The following SDK1 variants were observed in gnomAD, a reference collection of about 807,000 sequenced individuals.
SDK1 encodes the protein protein sidekick-1.
In SDK1, 157 loss-of-function variants were observed where a neutral mutation model predicts 245.5. The ratio of observed to expected loss-of-function variants is 0.64; its 90% CI spans 0.56 to 0.73. The LOEUF is 0.73. Among genes scored for constraint, SDK1 ranks in the 30% least tolerant of loss-of-function variants. The pLI is 0.00. For missense variants in SDK1, 3,583 were observed against 3,002.3 expected (o/e 1.19, Z -4.52); for synonymous variants, 1,647 against 1,278.5 (o/e 1.29, Z -6.15).
At chr7:3,577,853 TG>T (rs1474049588) in intron 1 of SDK1, among the ~76,000 whole-genome samples, 2 of 152,028 alleles carry the variant, frequency 1.3e-5, no homozygotes, top group Non-Finnish European at 2.9e-5. Context: ...CTGCATTGCC[TG>T]GCAGCTCCTG....
chr7:3,806,445 G>C (rs1181835013), intron 4 of SDK1, among the ~76,000 whole-genome samples: 2 of 152,234 alleles, frequency 1.3e-5, no homozygotes, highest in African/African-American at 2.4e-5. Context: ...TGACCCAACA[G>C]ACGGCTAAAG....
At chr7:3,836,813 T>C (rs1780037898) in intron 5 of SDK1, among the ~76,000 whole-genome samples, 1 of 152,116 alleles carries the variant, frequency 6.6e-6, no homozygotes, top group Non-Finnish European at 1.5e-5. Context: ...CTGGGTGACT[T>C]AAACAACAGA....
At chr7:4,123,995 G>T (rs748237153) in intron 25 of SDK1, among the ~76,000 whole-genome samples, 2 of 152,224 alleles carry the variant, frequency 1.3e-5, no homozygotes. Flanking sequence ...ACAGGGTGTG[G>T]TGAGGGTTGC....
intron 4 of SDK1, among the ~76,000 whole-genome samples, chr7:3,808,375 C>G (rs1463159423): frequency 6.6e-6 from 1 of 152,184 alleles, no homozygotes; most frequent in African/African-American, 2.4e-5. Context: ...CAGGTTCACT[C>G]CCTCTGAAAT....
intron 28 of SDK1, among the ~76,000 whole-genome samples, chr7:4,138,987 C>T (rs770524083): frequency 1.3e-5 from 2 of 152,198 alleles, no homozygotes; most frequent in Non-Finnish European, 2.9e-5. Flanking sequence ...GCCATACATT[C>T]AAGGGGTGCC....
chr7:3,749,368 C>T (rs1779714166), intron 4 of SDK1, among the ~76,000 whole-genome samples: 1 of 152,158 alleles, frequency 6.6e-6, no homozygotes, highest in Non-Finnish European at 1.5e-5. Flanking sequence ...GGCACGATCT[C>T]AGCTCACTGC....
At chr7:3,602,483 C>G (rs144650713) in intron 1 of SDK1, among the ~76,000 whole-genome samples, 1 of 152,064 alleles carries the variant, frequency 6.6e-6, no homozygotes, top group Non-Finnish European at 1.5e-5. Context: ...TCTTTTGAGA[C>G]GTGTCTGTTC....
intron 14 of SDK1, among the ~76,000 whole-genome samples, chr7:3,988,480 G>A (rs1562627117): frequency 6.6e-6 from 1 of 152,060 alleles, no homozygotes; most frequent in African/African-American, 2.4e-5. Flanking sequence ...CCCTGTCCAC[G>A]TCCTGCAGGG....
At chr7:3,882,064 ACCTGGTGGCAGAC>A (rs1781221647) in intron 5 of SDK1, among the ~76,000 whole-genome samples, 1 of 152,204 alleles carries the variant, frequency 6.6e-6, no homozygotes, top group African/African-American at 2.4e-5. Flanking sequence ...GGCACGTCTT[ACCTGGTGGCAGAC>A]AAGAGAGAAA....
At chr7:3,616,698 G>A (rs1054761365) in intron 1 of SDK1, among the ~76,000 whole-genome samples, 2 of 151,848 alleles carry the variant, frequency 1.3e-5, no homozygotes, top group Admixed American at 1.3e-4. Flanking sequence ...CAATTATGAT[G>A]GAATATAGTG....
chr7:3,656,807 G>C (rs1166238755), intron 4 of SDK1, among the ~76,000 whole-genome samples: 1 of 151,414 alleles, frequency 6.6e-6, no homozygotes, highest in Non-Finnish European at 1.5e-5. Flanking sequence ...GACTGCAGTG[G>C]CGCAATCTCG....
At chr7:3,545,765 G>T (rs999592058) in intron 1 of SDK1, among the ~76,000 whole-genome samples, 1 of 152,188 alleles carries the variant, frequency 6.6e-6, no homozygotes, top group Non-Finnish European at 1.5e-5. Context: ...ACTTCTGGCC[G>T]CTGTTCTGTT....
intron 19 of SDK1, 39 bp from the exon 20 acceptor site, chr7:4,067,799 G>C: frequency 1.3e-6 from 2 of 1,501,644 alleles, no homozygotes; most frequent in Non-Finnish European, 1.8e-6. Context: ...GAAAATTTGG[G>C]CTATTGTGTT....
At chr7:4,124,508 A>C (rs1176375825) in intron 25 of SDK1, among the ~76,000 whole-genome samples, 1 of 152,146 alleles carries the variant, frequency 6.6e-6, no homozygotes. Context: ...GGCACTAGTC[A>C]TACTGGATCA....
chr7:3,789,235 C>T (rs1781006529), intron 4 of SDK1, among the ~76,000 whole-genome samples: 1 of 152,142 alleles, frequency 6.6e-6, no homozygotes, highest in Non-Finnish European at 1.5e-5. Flanking sequence ...GCAACCTCCA[C>T]CTCCCAGGTT....
intron 17 of SDK1, among the ~76,000 whole-genome samples, chr7:4,027,763 G>T (rs973568470): frequency 6.6e-5 from 10 of 152,146 alleles, no homozygotes; most frequent in African/African-American, 2.4e-4. Flanking sequence ...AAATAAAAAT[G>T]TGTGTCTCTC....
rs564156387 is a variant in SDK1 at position 3,346,128 on chromosome 7, C to G, written c.298+44244C>G. ...TACTGCATCCTCTTCTGCTTAAAAT[C>G]TTTCAGGGAGGTTCCTACTGTCTTA... is the stretch of plus-strand genomic sequence containing the variant. On this transcript the variant is annotated intron_variant, in intron 1 of 44. Coordinates refer to ENST00000404826, the MANE Select transcript of SDK1 (RefSeq NM_152744.4). Among the ~76,000 whole-genome samples the G allele has an allele frequency of 2.6e-5, 4 of 152,334 alleles. No individual in the cohort carries two copies. The East Asian group carries it at 7.7e-4, about 29-fold the overall frequency.
intron 4 of SDK1, among the ~76,000 whole-genome samples, chr7:3,660,237 C>A (rs1311393524): frequency 6.6e-6 from 1 of 151,426 alleles, no homozygotes. Flanking sequence ...AATAAGACAC[C>A]CATGAAAATA....
At chr7:3,830,933 G>A (rs558690139) in intron 5 of SDK1, among the ~76,000 whole-genome samples, 39 of 152,282 alleles carry the variant, frequency 2.6e-4, no homozygotes, top group Middle Eastern at 3.4e-3. Context: ...TTCAGAGTAT[G>A]TAATATATTG....
Sources: allele counts gnomAD v4.1 joint callset (sites outside exome capture counted in the v4.1 genomes callset), GRCh38; gene constraint gnomAD v4.1.1; transcripts MANE v1.5; gene names NCBI Gene and HGNC (gene_info 2026-07-23, HGNC 2026-07-21).